Variants in PPP1R16B observed in about 807,000 individuals in gnomAD.
The protein encoded by PPP1R16B is protein phosphatase 1 regulatory inhibitor subunit 16B.
PPP1R16B carries 14 observed loss-of-function variants against 61.7 expected under a neutral mutation model. The observed-to-expected ratio is 0.23, with a 90% CI of 0.15 to 0.35. The LOEUF (loss-of-function observed/expected upper bound fraction) is 0.35, where lower values mean the gene tolerates loss of function less well. Among genes scored for constraint, PPP1R16B ranks in the 10% least tolerant of loss-of-function variants. PPP1R16B has a pLI of 1.00. For synonymous variants in PPP1R16B, 266 were observed against 305.3 expected (o/e 0.87, Z 1.34); for missense variants, 547 against 752.5 (o/e 0.73, Z 3.19).
chr20:38,873,918 A>T (rs916515590), intron 2 of PPP1R16B, among the ~76,000 whole-genome samples: 1 of 151,868 alleles, frequency 6.6e-6, no homozygotes, highest in African/African-American at 2.4e-5. Context: ...TAGTAGAGAC[A>T]GGGTTTCACC....
chr20:38,861,630 A>T (rs918279060), intron 2 of PPP1R16B, among the ~76,000 whole-genome samples: 1 of 149,740 alleles, frequency 6.7e-6, no homozygotes, highest in African/African-American at 2.5e-5. Flanking sequence ...TGCTGTTGCC[A>T]CTTGAGGATC....
At chr20:38,830,146 A>G in intron 1 of PPP1R16B, among the ~76,000 whole-genome samples, 1 of 152,166 alleles carries the variant, frequency 6.6e-6, no homozygotes. Flanking sequence ...CCCCAGGTTT[A>G]GTTACTGCTC....
At chr20:38,829,464 G>A (rs150025121) in intron 1 of PPP1R16B, among the ~76,000 whole-genome samples, 54 of 152,314 alleles carry the variant, frequency 3.5e-4, no homozygotes, top group East Asian at 2.7e-3. Context: ...AGGATGTTCC[G>A]TCTGGATTTT....
chr20:38,865,534 G>T (rs981324584), intron 2 of PPP1R16B, among the ~76,000 whole-genome samples: 5 of 152,050 alleles, frequency 3.3e-5, no homozygotes, highest in African/African-American at 1.2e-4. Context: ...TTTGTGATCC[G>T]CCTGCCTCGG....
intron 1 of PPP1R16B, among the ~76,000 whole-genome samples, chr20:38,823,594 T>C (rs1365772564): frequency 6.6e-6 from 1 of 151,490 alleles, no homozygotes; most frequent in Non-Finnish European, 1.5e-5. Context: ...TGAGCCGAGA[T>C]AGTGCCACTG....
intron 6 of PPP1R16B, among the ~76,000 whole-genome samples, chr20:38,903,812 C>G (rs778023753): frequency 2.0e-5 from 3 of 152,228 alleles, no homozygotes; most frequent in Non-Finnish European, 4.4e-5. Context: ...TCCTCATAGG[C>G]TCTCAGAGCA....
At chr20:38,900,807 A>C in intron 5 of PPP1R16B, 123 bp downstream of exon 5, 1 of 632,234 alleles carries the variant, frequency 1.6e-6, no homozygotes, top group Non-Finnish European at 2.5e-6. Context: ...TGCTCAGTGA[A>C]TAGGATGGGT....
At chr20:38,904,917 C>T (rs75156468) in intron 6 of PPP1R16B, among the ~76,000 whole-genome samples, 19,578 of 152,178 alleles carry the variant, frequency 0.13, 1,334 homozygotes, top group Middle Eastern at 0.19. Flanking sequence ...CTCCTTCATT[C>T]ATTCTCATGG....
chr20:38,868,680 C>A (rs770189016), intron 2 of PPP1R16B, among the ~76,000 whole-genome samples: 1 of 152,162 alleles, frequency 6.6e-6, no homozygotes, highest in Non-Finnish European at 1.5e-5. Flanking sequence ...TATGTTATCA[C>A]AACCAGTAAA....
intron 1 of PPP1R16B, among the ~76,000 whole-genome samples, chr20:38,824,746 C>T (rs1463922224): frequency 1.3e-5 from 2 of 152,222 alleles, no homozygotes; most frequent in East Asian, 3.8e-4. Flanking sequence ...ATTCCCATCC[C>T]AGGCTGGGCA....
rs1218678362 is a variant in PPP1R16B, at chr20:38,920,027, G to A, written c.*1361G>A. 1 of 152,282 alleles carries A rather than the reference G, an allele frequency of 6.6e-6. No individual in the cohort carries two copies. The highest frequency in any genetic ancestry group is 1.9e-4 in the East Asian group (1 of 5,200). The allele number at this position is 152,282 out of a possible 1,614,324, so 9.4% of individuals were successfully genotyped here. A position where few individuals can be genotyped will look rare whatever the true frequency, so the allele number is the denominator to read the frequency against. ...AGGAGTGGTGATGCCCCAAGTCTGC[G>A]AATCCAGGGTGCACGTGGTCAATAT... On this transcript the variant is annotated 3_prime_UTR_variant, in exon 11 of 11. Coordinates refer to ENST00000299824, the MANE Select transcript of PPP1R16B (RefSeq NM_015568.4).
At chr20:38,846,776 G>A (rs1327295134) in intron 2 of PPP1R16B, among the ~76,000 whole-genome samples, 1 of 152,128 alleles carries the variant, frequency 6.6e-6, no homozygotes, top group Non-Finnish European at 1.5e-5. Flanking sequence ...GGCCAAGGCG[G>A]GAAGATCACT....
chr20:38,863,224 G>A (rs999077276), intron 2 of PPP1R16B, among the ~76,000 whole-genome samples: 10 of 152,162 alleles, frequency 6.6e-5, no homozygotes, highest in Admixed American at 6.5e-4. Context: ...AAATGGGGAC[G>A]TTCCCAGAAG....
At chr20:38,900,087 C>A (rs2085380025) in intron 4 of PPP1R16B, among the ~76,000 whole-genome samples, 2 of 152,128 alleles carry the variant, frequency 1.3e-5, no homozygotes, top group Non-Finnish European at 2.9e-5. Context: ...AGCCACTGTG[C>A]CCGGTCATGT....
At chr20:38,862,836 CT>C (rs1568665761) in intron 2 of PPP1R16B, among the ~76,000 whole-genome samples, 1 of 152,196 alleles carries the variant, frequency 6.6e-6, no homozygotes, top group Non-Finnish European at 1.5e-5. Flanking sequence ...CAGTTATGGC[CT>C]TTGGAGGCTG....
chr20:38,878,701 G>C (rs769394590), intron 2 of PPP1R16B, among the ~76,000 whole-genome samples: 5 of 152,060 alleles, frequency 3.3e-5, no homozygotes, highest in Non-Finnish European at 5.9e-5. Flanking sequence ...GTAACATCCT[G>C]GTACAGTGCC....
chr20:38,886,116 T>G (rs1217925765), intron 2 of PPP1R16B, among the ~76,000 whole-genome samples: 1 of 152,170 alleles, frequency 6.6e-6, no homozygotes, highest in Non-Finnish European at 1.5e-5. Flanking sequence ...CTTACTGAAC[T>G]CTAGAGGCAG....
chr20:38,839,696 T>C (rs2145722417), intron 2 of PPP1R16B, among the ~76,000 whole-genome samples: 1 of 152,350 alleles, frequency 6.6e-6, no homozygotes, highest in East Asian at 1.9e-4. Flanking sequence ...TCTTTTTTTT[T>C]TTCCCATCCA....
At position 38,922,830 on chromosome 20, in the gene PPP1R16B, T is replaced by C. The variant is rs1304292922; in HGVS notation, c.*4164T>C. The C allele has an allele frequency of 6.6e-6, 1 of 152,536 alleles. No individual in the cohort carries two copies. Among genetic ancestry groups the C allele is most frequent in the African/African-American group, 2.4e-5 (1 of 41,468 alleles). 9.4% of individuals were successfully genotyped at this position (152,536 alleles called of 1,614,324 possible). On this transcript the variant is annotated 3_prime_UTR_variant, in exon 11 of 11. Coordinates refer to ENST00000299824, the MANE Select transcript of PPP1R16B (RefSeq NM_015568.4). ...TTTTTAAAAAAAATCTTCGCAGATC[T>C]TTGATATCGTACTGAGGTAACTTCC...
Sources: allele counts gnomAD v4.1 joint callset (sites outside exome capture counted in the v4.1 genomes callset), GRCh38; gene constraint gnomAD v4.1.1; transcripts MANE v1.5; gene names NCBI Gene and HGNC (gene_info 2026-07-23, HGNC 2026-07-21).